BIN1: variants seen among roughly 807,000 people sequenced by gnomAD.
The protein encoded by BIN1 is bridging integrator 1, also known as myc box-dependent-interacting protein 1.
A neutral mutation model predicts 82.0 loss-of-function variants in BIN1; 53 were observed. The observed-to-expected ratio is 0.65, with a 90% confidence interval of 0.52 to 0.81. BIN1 has a LOEUF of 0.81. Among genes scored for constraint, BIN1 ranks in the 40% least tolerant of loss-of-function variants. The pLI is 0.00. For synonymous variants in BIN1, 302 were observed against 328.0 expected (o/e 0.92, Z 0.86); for missense variants, 642 against 784.4 (o/e 0.82, Z 2.17).
At chr2:127,092,594 G>A (rs1380456152) in intron 1 of BIN1, among the ~76,000 whole-genome samples, 1 of 152,190 alleles carries the variant, frequency 6.6e-6, no homozygotes, top group African/African-American at 2.4e-5. Context: ...CAGCTCAGGG[G>A]CATGCTGCAG....
chr2:127,098,320 A>G (rs1679860127), intron 1 of BIN1, among the ~76,000 whole-genome samples: 1 of 152,006 alleles, frequency 6.6e-6, no homozygotes, highest in Non-Finnish European at 1.5e-5. Context: ...CCCGCCCCCA[A>G]CCCAGTCCTG....
At chr2:127,104,750 G>A (rs1680817074) in intron 1 of BIN1, among the ~76,000 whole-genome samples, 1 of 152,202 alleles carries the variant, frequency 6.6e-6, no homozygotes, top group Non-Finnish European at 1.5e-5. Flanking sequence ...AGACTCTACA[G>A]GAAGGCACAC....
At chr2:127,074,028 T>C (rs1686265855) in intron 2 of BIN1, among the ~76,000 whole-genome samples, 2 of 152,046 alleles carry the variant, frequency 1.3e-5, no homozygotes, top group African/African-American at 4.8e-5. Flanking sequence ...CACCCTCTCC[T>C]AGGGCCCCCC....
chr2:127,073,578 G>A (rs1470817295), intron 2 of BIN1, among the ~76,000 whole-genome samples: 3 of 152,090 alleles, frequency 2.0e-5, no homozygotes, highest in African/African-American at 7.3e-5. Context: ...AAGTCCCTGT[G>A]CTCCCAGTGG....
At position 127,075,251 on chromosome 2, in the gene BIN1, A is replaced by G. The variant is rs79245993; in HGVS notation, c.165+1375T>C. Among the ~76,000 whole-genome samples the G allele has an allele frequency of 1.6e-4, 25 of 152,364 alleles. No homozygotes were observed. In the East Asian group the frequency reaches 4.8e-3, roughly 29 times the overall value. ...ATATCAGCCCCATCTCAAGGATTGCATAGATCTCTGTCAAACACAGCAGCT... is the reference window on the plus strand; with the variant it reads ...ATATCAGCCCCATCTCAAGGATTGCGTAGATCTCTGTCAAACACAGCAGCT... On this transcript the variant is annotated intron_variant, in intron 2 of 18. Coordinates refer to ENST00000316724, the MANE Select transcript of BIN1 (RefSeq NM_139343.3).
chr2:127,062,123 G>T lies in BIN1; in HGVS notation c.849C>A (p.Ala283=). The T allele has an allele frequency of 6.2e-7, 1 of 1,608,460 alleles. No homozygotes were observed. The highest frequency in any genetic ancestry group is 8.5e-7 in the Non-Finnish European group (1 of 1,177,848). The change falls in exon 10 of 19, where the codon GCC becomes GCA. Residue 283 remains alanine (A), a synonymous_variant. Transcript: ENST00000316724. Reference sequence around the variant, plus strand: ...GCTCTCCCCGCACGCACCTGGGCTGGGCCTTGACCGTGAAGGTGTTGCTCC... The same window carrying T: ...GCTCTCCCCGCACGCACCTGGGCTGTGCCTTGACCGTGAAGGTGTTGCTCC... ...QHGSNTFTVK[A]QPSDNAPAKG... is the part of the protein sequence containing the mutation.
rs550758984 is a variant in BIN1 at position 127,083,344 on chromosome 2, G to A, written c.85-6638C>T. 9.9e-5 allele frequency among the ~76,000 whole-genome samples: 15 copies of A among 152,106 alleles called. 1 individual carries two copies. In the South Asian group the frequency reaches 1.5e-3, roughly 15 times the overall value. Reference sequence around the variant, plus strand: ...ATCCTCCCACCTCAGCACCCTCAAGGTGCTGGGATTGCAGGTACAAGCCAC... The same window carrying A: ...ATCCTCCCACCTCAGCACCCTCAAGATGCTGGGATTGCAGGTACAAGCCAC... On this transcript the variant is annotated intron_variant, in intron 1 of 18. Coordinates refer to ENST00000316724, the MANE Select transcript of BIN1 (RefSeq NM_139343.3).
In BIN1 at chr2:127,063,593, T is replaced by C. The variant is rs754167617; in HGVS notation, c.752A>G (p.Asn251Ser). The change falls in exon 9 of 19, where the codon AAC (asparagine) becomes AGC (serine). Residue 251 changes from asparagine to serine, a missense_variant. By Grantham distance (46) the Asn-to-Ser change is conservative. Coordinates refer to ENST00000316724, the MANE Select transcript of BIN1 (RefSeq NM_139343.3). The stretch of plus-strand genomic sequence containing the variant: ...TACCTTGCTCATCTCCTTGTGGAAG[T>C]TTTCCTCCAGGCCCGCGATGCTCTG... ...TFQSIAGLEE[N>S]FHKEMSKLNQ... is the part of the protein sequence containing the mutation. 2 of 1,613,884 alleles carry C rather than the reference T, an allele frequency of 1.2e-6. No individual in the cohort carries two copies. The highest frequency in any genetic ancestry group is 1.1e-5 in the South Asian group (1 of 91,040).
At position 127,090,114 on chromosome 2, in the gene BIN1, T is replaced by C. The variant is rs1374682695; in HGVS notation, c.85-13408A>G. Among the ~76,000 whole-genome samples the C allele has an allele frequency of 2.0e-5, 3 of 151,268 alleles. No homozygotes were observed. Among genetic ancestry groups the C allele is most frequent in the African/African-American group, 7.3e-5 (3 of 41,022 alleles). On this transcript the variant is annotated intron_variant, in intron 1 of 18. Coordinates refer to ENST00000316724, the MANE Select transcript of BIN1 (RefSeq NM_139343.3). The surrounding 1 kb of genome is among the most constrained non-coding windows in gnomAD (Gnocchi z 6.4). ...CATATACCAACCACCCCCCTTCCTC[T>C]CTCCAATCAAGCTCCCCTCTGCAGC...
intron 1 of BIN1, among the ~76,000 whole-genome samples, chr2:127,091,982 G>A (rs780652775): frequency 1.3e-5 from 2 of 152,020 alleles, no homozygotes; most frequent in Non-Finnish European, 2.9e-5. Flanking sequence ...AGGGAGTCAC[G>A]TGGCTACCCC....
At chr2:127,099,422 A>C (rs1002952550) in intron 1 of BIN1, among the ~76,000 whole-genome samples, 6 of 152,184 alleles carry the variant, frequency 3.9e-5, no homozygotes, top group African/African-American at 1.4e-4. Flanking sequence ...CAGGAACATT[A>C]AAAAACAACT....
At chr2:127,079,112 C>A (rs187620003) in intron 1 of BIN1, among the ~76,000 whole-genome samples, 12 of 152,342 alleles carry the variant, frequency 7.9e-5, no homozygotes, top group African/African-American at 2.6e-4. Flanking sequence ...CTGAGGTGTA[C>A]AGAGACAGAC....
chr2:127,098,629 C>T (rs1017773605), intron 1 of BIN1, among the ~76,000 whole-genome samples: 20 of 151,708 alleles, frequency 1.3e-4, no homozygotes, highest in African/African-American at 4.6e-4. Context: ...TAGGTCACAA[C>T]GGGGGCCGAA....
At chr2:127,102,100 T>C (rs1234015516) in intron 1 of BIN1, among the ~76,000 whole-genome samples, 2 of 152,114 alleles carry the variant, frequency 1.3e-5, no homozygotes, top group Non-Finnish European at 2.9e-5. Flanking sequence ...ATTTGATACA[T>C]GAAGAAACAG....
chr2:127,065,475 CA>C (rs1242927350), intron 7 of BIN1, among the ~76,000 whole-genome samples: 1 of 152,166 alleles, frequency 6.6e-6, no homozygotes, highest in African/African-American at 2.4e-5. Context: ...GGGGGGCTGC[CA>C]ACCATGGTTC....
intron 11 of BIN1, among the ~76,000 whole-genome samples, chr2:127,058,128 T>A (rs1367815923): frequency 6.6e-6 from 1 of 152,064 alleles, no homozygotes; most frequent in African/African-American, 2.4e-5. Flanking sequence ...GGCACCAGGA[T>A]GGGGCAGAGG....
At chr2:127,075,724 CTCTCCCA>C (rs1686500985) in intron 2 of BIN1, among the ~76,000 whole-genome samples, 1 of 114,996 alleles carries the variant, frequency 8.7e-6, no homozygotes, top group Admixed American at 8.3e-5. Context: ...CTCCCCGGCC[CTCTCCCA>C]GAATGCTCCC....
intron 2 of BIN1, among the ~76,000 whole-genome samples, chr2:127,074,171 C>T (rs1204965974): frequency 6.6e-6 from 1 of 152,094 alleles, no homozygotes; most frequent in Non-Finnish European, 1.5e-5. Context: ...CACCTCCAGG[C>T]TTCCCACGCC....
In BIN1 at chr2:127,057,887, C is replaced by A. The variant is rs1022078197; in HGVS notation, c.1003-286G>T. ...AGTGAGGGGAGAGGAGGAAGGAGAGCGAAGAAGAGAAGAGGCCCCAGGCTG... is the reference window on the plus strand; with the variant it reads ...AGTGAGGGGAGAGGAGGAAGGAGAGAGAAGAAGAGAAGAGGCCCCAGGCTG... On this transcript the variant is annotated intron_variant, in intron 11 of 18. Transcript: ENST00000316724. This position sits in a 1 kb window ranked among gnomAD's most constrained non-coding sequence, Gnocchi z 5.0. Among the ~76,000 whole-genome samples, 1 of 86,140 alleles carries A rather than the reference C, an allele frequency of 1.2e-5. No individual in the cohort carries two copies. Among genetic ancestry groups the A allele is most frequent in the Non-Finnish European group, 2.1e-5 (1 of 47,114 alleles). 56.5% of individuals were successfully genotyped at this position (86,140 alleles called of 152,430 possible). A position where few individuals can be genotyped will look rare whatever the true frequency, so the allele number is the denominator to read the frequency against.
Sources: allele counts gnomAD v4.1 joint callset (sites outside exome capture counted in the v4.1 genomes callset), GRCh38; gene constraint gnomAD v4.1.1; non-coding constraint Gnocchi (gnomAD v3.1); transcripts MANE v1.5; gene names NCBI Gene and HGNC (gene_info 2026-07-23, HGNC 2026-07-21).